The following FAM136A variants were observed in gnomAD, a reference collection of about 807,000 sequenced individuals.
FAM136A encodes TIM double twin CX3C motif protein.
Under a neutral mutation model 21.6 loss-of-function variants are expected in FAM136A, and 25 were observed. The observed-to-expected ratio is 1.16, with a 90% CI of 0.84 to 1.62. The LOEUF (loss-of-function observed/expected upper bound fraction) is 1.62, where lower values mean the gene tolerates loss of function less well. Ranked by LOEUF, FAM136A falls within the 40% of genes most tolerant of loss-of-function variation. FAM136A has a pLI of 0.00. For synonymous variants in FAM136A, 119 were observed against 129.4 expected, an observed-to-expected ratio of 0.92 and a Z score of 0.55; for missense variants, 338 against 332.0, an observed-to-expected ratio of 1.02 and a Z score of -0.14.
Position 70,297,418 on chromosome 2 carries a change from A to G in FAM136A, c.609T>C (p.Ala203=). The G allele has an allele frequency of 6.2e-7, 1 of 1,613,996 alleles. No individual in the cohort carries two copies. The highest frequency in any genetic ancestry group is 1.7e-4 in the Middle Eastern group (1 of 6,058). Residue 203 remains alanine, a synonymous_variant, in exon 3 of 3, where the codon GCT becomes GCC. Transcript: ENST00000430566. The part of the protein sequence containing the change: ...CNDKAKDSID[A]GSKELQVKQQ... ...GCTTCACCTGAAGCTCCTTACTCCC[A>G]GCATCTATTGAATCTTTGGCTTTGT...
intron 2 of FAM136A, among the ~76,000 whole-genome samples, chr2:70,299,384 A>T (rs1697333753): frequency 6.6e-6 from 1 of 152,172 alleles, no homozygotes; most frequent in East Asian, 1.9e-4. Context: ...CAGTGAGTCA[A>T]CAGTAATAAT....
intron 2 of FAM136A, among the ~76,000 whole-genome samples, chr2:70,299,098 T>G (rs2104938363): frequency 6.6e-6 from 1 of 152,346 alleles, no homozygotes; most frequent in South Asian, 2.1e-4. Flanking sequence ...CCTTTGGGGT[T>G]CCATGATCTT....
rs1697254072 is a variant in FAM136A, at chr2:70,296,613, T to G, written c.*676A>C. On this transcript the variant is annotated 3_prime_UTR_variant, in exon 3 of 3. Transcript: ENST00000430566. ...TCATGTTTCTGCACAGTCTCCAGGC[T>G]GAAAGATGCAGCATGTAATAATTTT... The G allele has an allele frequency of 3.3e-5, 5 of 152,384 alleles. No individual in the cohort carries two copies. In the South Asian group the frequency reaches 1.0e-3, roughly 32 times the overall value. 9.4% of individuals were successfully genotyped at this position (152,384 alleles called of 1,614,324 possible).
chr2:70,301,797 C>G lies in FAM136A; in HGVS notation c.215G>C (p.Gly72Ala). The change falls in exon 1 of 3, where the codon GGT (glycine) becomes GCT (alanine). Residue 72 changes from glycine to alanine, a missense_variant. Physicochemically the swap from Gly to Ala is moderately conservative, Grantham distance 60. Transcript: ENST00000430566. Reference protein sequence around the residue: ...SPQTGCGRPWGRRGGLGQDFG... With the variant: ...SPQTGCGRPWARRGGLGQDFG... ...GTCCTGTCCGAGGCCGCCCCGGCGA[C>G]CCCAGGGCCGCCCACACCCGGTCTG... is the stretch of plus-strand genomic sequence containing the variant. The G allele has an allele frequency of 6.5e-7, 1 of 1,547,734 alleles. No homozygotes were observed. Among genetic ancestry groups the G allele is most frequent in the Non-Finnish European group, 8.7e-7 (1 of 1,145,728 alleles).
intron 1 of FAM136A, chr2:70,301,360 C>G: frequency 1.3e-6 from 2 of 1,488,360 alleles, no homozygotes; most frequent in Non-Finnish European, 1.8e-6. Flanking sequence ...AGAGGGCAGC[C>G]GACCCACTAA....
At chr2:70,297,621 G>GTTTTTTT (rs55803921) in intron 2 of FAM136A, 144 bp from the exon 3 acceptor site, 28 of 250,554 alleles carry the variant, frequency 1.1e-4, no homozygotes, top group African/African-American at 2.7e-4. Context: ...GATTGGCCAA[G>GTTTTTTT]TTTTTTTTTT....
chr2:70,297,303 A>C lies in FAM136A; in HGVS notation c.724T>G (p.Ser242Ala). ...MTKKMKEALL[S>A]IGK ...GGCAAATACTTTTATTTTCCAATTG[A>C]TAAGAGAGCCTCCTTCATCTTCTTG... Residue 242 changes from serine to alanine, a missense_variant, in exon 3 of 3, where the codon TCA becomes GCA. Ser to Ala is a moderately conservative substitution (Grantham distance 99). Coordinates refer to ENST00000430566, the MANE Select transcript of FAM136A (RefSeq NM_001329752.2). 6.2e-7 allele frequency: 1 copy of C among 1,613,568 alleles called. No homozygotes were observed. The highest frequency in any genetic ancestry group is 8.5e-7 in the Non-Finnish European group (1 of 1,179,506).
At position 70,301,437 on chromosome 2, in the gene FAM136A, A is replaced by G. The variant is rs765375719; in HGVS notation, c.408+167T>C. ...TGAGAGAAGCAGGACCGAAACACAC[A>G]GAGGCATTGCGGGGCTCAGAGAAGA... On this transcript the variant is annotated intron_variant, in intron 1 of 2. Coordinates refer to ENST00000430566, the MANE Select transcript of FAM136A (RefSeq NM_001329752.2). 1.8e-4 allele frequency: 275 copies of G among 1,535,460 alleles called. 1 individual carries two copies. The highest frequency in any genetic ancestry group is 1.0e-3 in the South Asian group (87 of 83,214).
intron 2 of FAM136A, among the ~76,000 whole-genome samples, chr2:70,298,492 A>G (rs1697312808): frequency 6.6e-6 from 1 of 152,262 alleles, no homozygotes; most frequent in Non-Finnish European, 1.5e-5. Context: ...GAATATAGCA[A>G]TGAGTAAAAC....
Position 70,301,426 on chromosome 2 carries a change from C to G in FAM136A, c.408+178G>C, listed in dbSNP as rs1047175264. ...CGCATACTCCGTGAGAGAAGCAGGA[C>G]CGAAACACACAGAGGCATTGCGGGG... On this transcript the variant is annotated intron_variant, in intron 1 of 2. Transcript: ENST00000430566. The G allele has an allele frequency of 3.3e-6, 5 of 1,534,540 alleles. No homozygotes were observed. In the African/African-American group the frequency reaches 6.8e-5, roughly 21 times the overall value.
rs1243924850 is a variant in FAM136A, at chr2:70,301,656, C to CA, written c.355dup (p.Trp119LeufsTer30). On this transcript the variant is annotated frameshift_variant, in exon 1 of 3. Coordinates refer to ENST00000430566, the MANE Select transcript of FAM136A (RefSeq NM_001329752.2). LOFTEE classifies it high-confidence loss of function. ...AGGTGGTGGGGCGAGCGCCTGCCAC[C>CA]AGGGGCTTCCCACCTGCCGCCGAGG... The CA allele has an allele frequency of 6.5e-7, 1 of 1,535,268 alleles. No homozygotes were observed. Among genetic ancestry groups the CA allele is most frequent in the Non-Finnish European group, 8.7e-7 (1 of 1,146,442 alleles).
chr2:70,298,536 T>G (rs1167073603), intron 2 of FAM136A, among the ~76,000 whole-genome samples: 4 of 152,100 alleles, frequency 2.6e-5, no homozygotes, highest in Admixed American at 2.6e-4. Context: ...TACATTCCAG[T>G]GAGAGGAAAG....
Position 70,302,013 on chromosome 2 carries a change from G to A in FAM136A, c.-2C>T, listed in dbSNP as rs201738687. On this transcript the variant is annotated 5_prime_UTR_variant, in exon 1 of 3. Transcript: ENST00000430566. ...CCGGAGCTGCTGCAGCTCAGCCATG[G>A]CGACCCCGCGCTGCCCCGCGGCGCT... 2.9e-4 allele frequency: 465 copies of A among 1,589,126 alleles called. 3 individuals carry two copies. In the South Asian group the frequency reaches 4.7e-3, roughly 16 times the overall value.
intron 1 of FAM136A, 98 bp downstream of exon 1, chr2:70,301,506 G>A: frequency 2.0e-6 from 3 of 1,535,868 alleles, no homozygotes; most frequent in Non-Finnish European, 2.6e-6. Context: ...TTGGGCGCAA[G>A]AGAAGCAGGC....
rs566467466 is a variant in FAM136A at position 70,299,661 on chromosome 2, C to T, written c.549+1179G>A. Among the ~76,000 whole-genome samples the T allele has an allele frequency of 2.6e-5, 4 of 152,240 alleles. No homozygotes were observed. The South Asian group carries it at 6.2e-4, about 24-fold the overall frequency. ...TGTCACCCAGGCTGGAGTGCAGTGA[C>T]GTGATCTTGGCTCACTGCAAGCTCT... On this transcript the variant is annotated intron_variant, in intron 2 of 2. Transcript: ENST00000430566.
At chr2:70,300,562 T>C in intron 2 of FAM136A, 2 of 241,526 alleles carry the variant, frequency 8.3e-6, no homozygotes, top group South Asian at 1.6e-4. Flanking sequence ...CCTGCTCTCA[T>C]GATCCACCTG....
Position 70,296,347 on chromosome 2 carries a change from A to T in FAM136A, c.*942T>A, listed in dbSNP as rs192998668. ...AATGCTAGGTGTAGGCTTTCATTCC[A>T]TATGTTCTAATAAAACCAGGTTTTC... On this transcript the variant is annotated 3_prime_UTR_variant, in exon 3 of 3. Transcript: ENST00000430566. 1.3e-5 allele frequency: 2 copies of T among 153,654 alleles called. No individual in the cohort carries two copies. Among genetic ancestry groups the T allele is most frequent in the East Asian group, 3.7e-4 (2 of 5,336 alleles). The allele number at this position is 153,654 out of a possible 1,614,324, so 9.5% of individuals were successfully genotyped here.
At chr2:70,300,723 T>C (rs1697372928) in intron 2 of FAM136A, 117 bp downstream of exon 2, 1 of 1,270,296 alleles carries the variant, frequency 7.9e-7, no homozygotes, top group South Asian at 1.8e-5. Flanking sequence ...TGGCCATCAG[T>C]ATCACAACTG....
chr2:70,301,522 C>T (rs995088574), intron 1 of FAM136A, 82 bp downstream of exon 1: 3 of 1,535,882 alleles, frequency 2.0e-6, no homozygotes, highest in African/African-American at 1.4e-5. Context: ...CAGGCATGAC[C>T]TGGCCAACGG....
Sources: allele counts gnomAD v4.1 joint callset (sites outside exome capture counted in the v4.1 genomes callset), GRCh38; gene constraint gnomAD v4.1.1; transcripts MANE v1.5; gene names NCBI Gene and HGNC (gene_info 2026-07-23, HGNC 2026-07-21).